WDPCP: variants seen among roughly 807,000 people sequenced by gnomAD.
WDPCP encodes the protein WD repeat-containing and planar cell polarity effector protein fritz homolog.
Under a neutral mutation model 93.1 loss-of-function variants are expected in WDPCP, and 71 were observed. The observed-to-expected ratio is 0.76, with a 90% CI of 0.63 to 0.93. WDPCP has a LOEUF of 0.93. WDPCP is among the 40% of genes least tolerant of loss of function. The probability of loss-of-function intolerance (pLI) is 0.00; values close to 1 mark genes in which losing one functional copy is unlikely to be tolerated. For missense variants in WDPCP, 844 were observed against 887.4 expected, an observed-to-expected ratio of 0.95 and a Z score of 0.62; for synonymous variants, 315 against 315.0, an observed-to-expected ratio of 1.00 and a Z score of 0.00.
At chr2:63,455,787 C>G (rs2105701516) in intron 6 of WDPCP, among the ~76,000 whole-genome samples, 1 of 152,192 alleles carries the variant, frequency 6.6e-6, no homozygotes, top group South Asian at 2.1e-4. Context: ...GACAGAAAAC[C>G]AACAAAGAAA....
intron 2 of WDPCP, among the ~76,000 whole-genome samples, chr2:63,789,613 C>A (rs1670518139): frequency 6.6e-6 from 1 of 152,138 alleles, no homozygotes; most frequent in African/African-American, 2.4e-5. Flanking sequence ...ATAGCAAAGG[C>A]AGAGAAAATG....
intron 3 of WDPCP, among the ~76,000 whole-genome samples, chr2:63,616,049 A>C (rs1709670136): frequency 6.6e-6 from 1 of 152,196 alleles, no homozygotes; most frequent in South Asian, 2.1e-4. Flanking sequence ...TGTGCATGGC[A>C]TTGTGCTAAT....
chr2:63,344,535 T>G (rs984469836), intron 12 of WDPCP, among the ~76,000 whole-genome samples: 2 of 152,192 alleles, frequency 1.3e-5, no homozygotes, highest in African/African-American at 4.8e-5. Context: ...TTCACTAACA[T>G]ATGCAAGTAG....
rs1358119460 is a variant in WDPCP, at chr2:63,119,974, T to C, written c.*2032A>G. ...CTAGAGGTATGTGAAGTGGGGAAAA[T>C]GGGTACTTTAAGAACTATGATTTGT... On this transcript the variant is annotated 3_prime_UTR_variant, in exon 18 of 18. Transcript: ENST00000272321. Among the ~76,000 whole-genome samples, 1 of 152,164 alleles carries C rather than the reference T, an allele frequency of 6.6e-6. No individual in the cohort carries two copies. Among genetic ancestry groups the C allele is most frequent in the East Asian group, 1.9e-4 (1 of 5,206 alleles).
At chr2:63,398,932 A>G (rs1693948943) in intron 10 of WDPCP, among the ~76,000 whole-genome samples, 1 of 152,210 alleles carries the variant, frequency 6.6e-6, no homozygotes, top group Non-Finnish European at 1.5e-5. Flanking sequence ...TGTATTTAGT[A>G]GCAGATCATA....
chr2:63,385,911 T>A (rs1194150281), intron 10 of WDPCP, among the ~76,000 whole-genome samples: 1 of 152,064 alleles, frequency 6.6e-6, no homozygotes, highest in Non-Finnish European at 1.5e-5. Flanking sequence ...TTGCTTAAGG[T>A]ACAGACATTT....
chr2:63,660,065 A>G (rs1036290059), intron 2 of WDPCP, among the ~76,000 whole-genome samples: 7 of 152,226 alleles, frequency 4.6e-5, no homozygotes, highest in Non-Finnish European at 8.8e-5. Context: ...TTTTTCACAA[A>G]ACCAAGAGTT....
chr2:63,631,251 G>C, intron 3 of WDPCP, among the ~76,000 whole-genome samples: 1 of 152,208 alleles, frequency 6.6e-6, no homozygotes, highest in East Asian at 1.9e-4. Flanking sequence ...CTGCATTCCA[G>C]TCTAGGCAAC....
intron 17 of WDPCP, among the ~76,000 whole-genome samples, chr2:63,146,610 C>T (rs1671527188): frequency 2.0e-5 from 3 of 152,094 alleles, no homozygotes; most frequent in South Asian, 2.1e-4. Context: ...CTCCTGACCT[C>T]GTGATCTACC....
intron 2 of WDPCP, among the ~76,000 whole-genome samples, chr2:63,678,153 A>C (rs1236981285): frequency 1.3e-5 from 2 of 152,202 alleles, no homozygotes; most frequent in African/African-American, 4.8e-5. Flanking sequence ...GAAAGTAATC[A>C]AGGACTCAGC....
At chr2:63,331,532 T>C (rs916139048) in intron 12 of WDPCP, among the ~76,000 whole-genome samples, 5 of 152,202 alleles carry the variant, frequency 3.3e-5, no homozygotes, top group African/African-American at 1.2e-4. Context: ...GAGATATGAT[T>C]CATTTATAAT....
intron 1 of WDPCP, among the ~76,000 whole-genome samples, chr2:63,575,391 T>C (rs1454079664): frequency 1.1e-5 from 1 of 89,346 alleles, no homozygotes; most frequent in Non-Finnish European, 2.4e-5. Context: ...ATATACACGG[T>C]ATATACAGTA....
chr2:63,338,564 AAAAAAATATATATAT>A (rs1388490217), intron 12 of WDPCP, among the ~76,000 whole-genome samples: 17 of 23,362 alleles, frequency 7.3e-4, no homozygotes, highest in African/African-American at 3.6e-3. Context: ...AAAAAAAAAA[AAAAAAATATATATAT>A]ATATATATAT....
rs561913694 is a variant in WDPCP at position 63,296,263 on chromosome 2, C to T, written c.1812+16985G>A. On this transcript the variant is annotated intron_variant, in intron 13 of 17. Transcript: ENST00000272321. The stretch of plus-strand genomic sequence containing the variant: ...CCAGCATCCCTTCATGATAAAAACC[C>T]TTGGCAAACTATGCATTGAGGGAAC... Among the ~76,000 whole-genome samples the T allele has an allele frequency of 2.6e-5, 4 of 151,626 alleles. No individual in the cohort carries two copies. The South Asian group carries it at 8.4e-4, about 32-fold the overall frequency.
At chr2:63,817,112 ATT>A (rs201959701) in intron 1 of WDPCP, among the ~76,000 whole-genome samples, 14 of 144,200 alleles carry the variant, frequency 9.7e-5, no homozygotes, top group Non-Finnish European at 1.1e-4. Flanking sequence ...GAGCTGCTAC[ATT>A]TTTTTTTTTT....
chr2:63,548,405 T>C (rs901423764), intron 1 of WDPCP, among the ~76,000 whole-genome samples: 2 of 151,726 alleles, frequency 1.3e-5, no homozygotes, highest in South Asian at 2.1e-4. Context: ...CTTCAAAATA[T>C]ATAAAACAAA....
At chr2:63,782,511 T>C (rs1298700448) in intron 2 of WDPCP, among the ~76,000 whole-genome samples, 1 of 152,072 alleles carries the variant, frequency 6.6e-6, no homozygotes, top group Non-Finnish European at 1.5e-5. Flanking sequence ...AGGCCAAGAA[T>C]AGACATTTTT....
Position 63,758,666 on chromosome 2 carries a change from C to G in WDPCP, n.308+54956G>C, listed in dbSNP as rs191220216. 4.1e-3 allele frequency among the ~76,000 whole-genome samples: 625 copies of G among 152,336 alleles called. 3 individuals carry two copies. The highest frequency in any genetic ancestry group is 0.014 in the African/African-American group (585 of 41,578). ...TGTTGCCCAGGCTAGTCTCAAACTC[C>G]TGGGCTCAAGTGATCTGCCTGCCTC... On this transcript the variant is annotated intron_variant and non_coding_transcript_variant, in intron 2 of 4. Transcript: ENST00000467687.
At chr2:63,740,220 G>A (rs10176590) in intron 2 of WDPCP, among the ~76,000 whole-genome samples, 1 of 152,064 alleles carries the variant, frequency 6.6e-6, no homozygotes, top group Non-Finnish European at 1.5e-5. Flanking sequence ...GAATTGCTGA[G>A]TCAGAGGATA....
Sources: gnomAD v4.1 joint callset for allele counts (sites outside exome capture counted in the v4.1 genomes callset) on GRCh38, gnomAD v4.1.1 for gene constraint, MANE v1.5 for transcripts, NCBI Gene and HGNC (gene_info 2026-07-23, HGNC 2026-07-21) for gene names.